Variants in VMA12 observed in about 807,000 individuals in gnomAD.
VMA12 encodes vacuolar ATPase assembly factor VMA12.
chr17:28,361,448 G>A, the VMA12 span: 1 of 583,638 alleles, frequency 1.7e-6, no homozygotes, highest in Non-Finnish European at 3.1e-6. Context: ...AGGAGATTGA[G>A]ATAACACATC....
At chr17:28,359,272 A>G in the VMA12 span, 28 of 1,604,054 alleles carry the variant, frequency 1.7e-5, no homozygotes, top group Admixed American at 3.3e-5. Flanking sequence ...GCTTTCTAAC[A>G]AGCTGGGAAT....
the VMA12 span, chr17:28,357,995 G>A: frequency 8.8e-7 from 1 of 1,132,766 alleles, no homozygotes; most frequent in Non-Finnish European, 1.3e-6. Context: ...GACAAGTCAA[G>A]AGTCACTCCA....
chr17:28,361,410 T>A, the VMA12 span: 1 of 635,262 alleles, frequency 1.6e-6, no homozygotes, highest in South Asian at 1.9e-5. Context: ...AGCCCTAATC[T>A]TCTGTGAATT....
the VMA12 span, chr17:28,360,883 T>G: frequency 1.3e-6 from 2 of 1,571,290 alleles, no homozygotes. Flanking sequence ...GTGCCCCTGG[T>G]GGGGGTGTTA....
the VMA12 span, chr17:28,358,013 C>T: frequency 1.5e-5 from 14 of 906,696 alleles, no homozygotes; most frequent in Non-Finnish European, 2.1e-5. Flanking sequence ...CCATAAATCC[C>T]AGGGCCACCC....
the VMA12 span, chr17:28,358,434 G>A: frequency 2.1e-6 from 1 of 472,220 alleles, no homozygotes; most frequent in South Asian, 1.5e-5. Context: ...TCCCTTATGT[G>A]TAAAGGGAAG....
the VMA12 span, chr17:28,361,258 G>A: frequency 1.2e-6 from 2 of 1,613,984 alleles, no homozygotes; most frequent in East Asian, 2.2e-5. Flanking sequence ...TGTAACTGGT[G>A]CTTCATCATC....
chr17:28,358,987 C>T, the VMA12 span: 7 of 1,611,478 alleles, frequency 4.3e-6, no homozygotes, highest in African/African-American at 1.3e-5. Flanking sequence ...GAAGCCTCCA[C>T]GGGTATGTAA....
At chr17:28,358,295 GT>G in the VMA12 span, 1 of 422,726 alleles carries the variant, frequency 2.4e-6, no homozygotes, top group Non-Finnish European at 4.9e-6. Context: ...TGTTTTGTTT[GT>G]TTGTTTTTTT....
the VMA12 span, chr17:28,360,486 G>C: frequency 6.3e-7 from 1 of 1,596,780 alleles, no homozygotes; most frequent in African/African-American, 1.3e-5. Context: ...GATGCTCTCT[G>C]AGCTGCTTCT....
At chr17:28,357,890 C>T in the VMA12 span, 3 of 1,613,556 alleles carry the variant, frequency 1.9e-6, no homozygotes, top group Non-Finnish European at 1.7e-6. Flanking sequence ...GGGTGAGCCC[C>T]AGTCTCCAGT....
chr17:28,361,271 G>A, the VMA12 span: 7 of 1,612,972 alleles, frequency 4.3e-6, no homozygotes, highest in Non-Finnish European at 5.9e-6. Context: ...TCATCATCAA[G>A]TCTAGAGAAG....
At chr17:28,360,827 A>G in the VMA12 span, 2 of 1,613,816 alleles carry the variant, frequency 1.2e-6, no homozygotes, top group Non-Finnish European at 1.7e-6. Context: ...AAGCCAATAT[A>G]TCTTCACAGA....
chr17:28,361,152 T>G, the VMA12 span: 2 of 1,614,014 alleles, frequency 1.2e-6, no homozygotes, highest in Non-Finnish European at 1.7e-6. Flanking sequence ...TCTCCCCATC[T>G]CCAGCGGGTG....
the VMA12 span, among the ~76,000 whole-genome samples, chr17:28,359,915 A>G: frequency 6.6e-6 from 1 of 151,666 alleles, no homozygotes; most frequent in Non-Finnish European, 1.5e-5. Context: ...CCATCTCAAA[A>G]TAAATAAATA....
At chr17:28,359,331 C>T in the VMA12 span, 1 of 1,614,034 alleles carries the variant, frequency 6.2e-7, no homozygotes, top group Admixed American at 1.7e-5. Context: ...GAACTAGTTG[C>T]CCGGCTGGAG....
the VMA12 span, chr17:28,359,145 G>T: frequency 4.1e-6 from 4 of 969,556 alleles, no homozygotes; most frequent in Non-Finnish European, 6.0e-6. Flanking sequence ...TCAGCTGTTT[G>T]GAAAATTGAG....
chr17:28,357,681 CTT>C, the VMA12 span: 17 of 1,612,480 alleles, frequency 1.1e-5, no homozygotes, highest in Non-Finnish European at 1.4e-5. Context: ...ATGGCGTCCT[CTT>C]TGCTTGCGGG....
chr17:28,361,064 T>G, the VMA12 span: 2 of 1,215,704 alleles, frequency 1.6e-6, no homozygotes, highest in Non-Finnish European at 2.4e-6. Context: ...ACTTAGAGGG[T>G]GGTTGGGGGG....
Sources: gnomAD v4.1 joint callset for allele counts (sites outside exome capture counted in the v4.1 genomes callset) on GRCh38, gnomAD v4.1.1 for gene constraint, MANE v1.5 for transcripts, NCBI Gene and HGNC (gene_info 2026-07-23, HGNC 2026-07-21) for gene names.